MIDEAS: variants seen among roughly 807,000 people sequenced by gnomAD.
MIDEAS encodes the protein mitotic deacetylase associated SANT domain protein, also known as mitotic deacetylase-associated SANT domain protein.
In MIDEAS, 26 loss-of-function variants were observed where a neutral mutation model predicts 102.7. The ratio of observed to expected loss-of-function variants is 0.25; its 90% CI spans 0.19 to 0.35. The LOEUF is 0.35. Among genes scored for constraint, MIDEAS ranks in the 10% least tolerant of loss-of-function variants. The pLI, the probability that MIDEAS is intolerant of heterozygous loss-of-function variation, is 1.00. For missense variants in MIDEAS, 1,231 were observed against 1,435.6 expected, an observed-to-expected ratio of 0.86 and a Z score of 2.30; for synonymous variants, 585 against 591.0, an observed-to-expected ratio of 0.99 and a Z score of 0.15.
chr14:73,716,215 G>A lies in MIDEAS; in HGVS notation c.*2628C>T, dbSNP rs1281473699. ...TATTGGCAGGTCACTTGCCACAATT[G>A]CATCTGCCCTCTAAACTTTTTAATT... On this transcript the variant is annotated 3_prime_UTR_variant, in exon 13 of 13. Transcript: ENST00000423556. 6.6e-6 allele frequency: 1 copy of A among 152,432 alleles called. No homozygotes were observed. The highest frequency in any genetic ancestry group is 2.4e-5 in the African/African-American group (1 of 41,428). 9.4% of individuals were successfully genotyped at this position (152,432 alleles called of 1,614,324 possible).
chr14:73,773,003 T>A (rs781324448), intron 1 of MIDEAS, among the ~76,000 whole-genome samples: 8 of 152,062 alleles, frequency 5.3e-5, no homozygotes, highest in Non-Finnish European at 7.4e-5. Context: ...CACACCCAGC[T>A]AATTTTGTAA....
chr14:73,765,824 T>A (rs2053588036), intron 1 of MIDEAS, among the ~76,000 whole-genome samples: 1 of 152,144 alleles, frequency 6.6e-6, no homozygotes. Context: ...CTCCTCCAAG[T>A]AGAGGAAGGA....
chr14:73,719,036 C>T, intron 12 of MIDEAS, 28 bp from the exon 13 acceptor site: 2 of 1,452,928 alleles, frequency 1.4e-6, no homozygotes, highest in Non-Finnish European at 1.8e-6. Flanking sequence ...TTGCTCAGAA[C>T]CGGCCTAGCC....
At chr14:73,726,538 C>A (rs2053062828) in intron 7 of MIDEAS, 66 bp downstream of exon 7, 1 of 1,474,808 alleles carries the variant, frequency 6.8e-7, no homozygotes, top group Non-Finnish European at 9.4e-7. Flanking sequence ...AGGTCCTGAG[C>A]AGCAGACATG....
rs1278002666 is a variant in MIDEAS at position 73,729,623 on chromosome 14, G to A, written c.2095+17C>T. The A allele has an allele frequency of 9.5e-6, 15 of 1,583,556 alleles. No individual in the cohort carries two copies. The highest frequency in any genetic ancestry group is 6.8e-5 in the Admixed American group (4 of 59,084). On this transcript the variant is annotated intron_variant, in intron 4 of 12. Transcript: ENST00000423556. The stretch of plus-strand genomic sequence containing the variant: ...CCAGCCCCGCTCCTGCCAGGGTCGC[G>A]GAGGGAGGTCACTCACTAGTCCGGA...
chr14:73,740,098 C>T lies in MIDEAS; in HGVS notation c.-90G>A. On this transcript the variant is annotated 5_prime_UTR_variant, in exon 2 of 13. Transcript: ENST00000423556. The stretch of plus-strand genomic sequence containing the variant: ...GTCCTGCTGGAAGCCGGGCTCTAGT[C>T]CAGGAGCCAGGGAGGGCAGAGCAGG... 7 of 1,398,858 alleles carry T rather than the reference C, an allele frequency of 5.0e-6. No individual in the cohort carries two copies. The South Asian group carries it at 1.3e-4, about 27-fold the overall frequency. The allele number at this position is 1,398,858 out of a possible 1,614,324, so 86.7% of individuals were successfully genotyped here. A position where few individuals can be genotyped will look rare whatever the true frequency, so the allele number is the denominator to read the frequency against.
intron 1 of MIDEAS, among the ~76,000 whole-genome samples, chr14:73,778,008 A>G (rs2053706846): frequency 6.6e-6 from 1 of 151,982 alleles, no homozygotes; most frequent in Admixed American, 6.6e-5. Flanking sequence ...TAAGGGCTCA[A>G]TAAATGCATG....
intron 9 of MIDEAS, 137 bp from the exon 10 acceptor site, chr14:73,722,984 G>T: frequency 1.1e-6 from 1 of 937,286 alleles, no homozygotes; most frequent in Non-Finnish European, 1.6e-6. Context: ...GGCAATACAA[G>T]CATTTTTCCA....
chr14:73,768,511 C>CTTTT (rs59819061), intron 1 of MIDEAS, among the ~76,000 whole-genome samples: 5 of 138,396 alleles, frequency 3.6e-5, no homozygotes, highest in African/African-American at 5.7e-5. Context: ...TTATTGCCAA[C>CTTTT]TTTTTTTTTT....
In MIDEAS at chr14:73,715,254, G is replaced by A; in HGVS notation, c.*3589C>T. ...TGTATTAATTTTTTTCTTATAAAAA[G>A]CACACAAAAAATAAAATCTTCAGTC... On this transcript the variant is annotated 3_prime_UTR_variant, in exon 13 of 13. Transcript: ENST00000423556. 1 of 152,434 alleles carries A rather than the reference G, an allele frequency of 6.6e-6. No individual in the cohort carries two copies. 9.4% of individuals were successfully genotyped at this position (152,434 alleles called of 1,614,324 possible). A position where few individuals can be genotyped will look rare whatever the true frequency, so the allele number is the denominator to read the frequency against.
Position 73,715,521 on chromosome 14 carries a change from G to C in MIDEAS, c.*3322C>G, listed in dbSNP as rs2052872444. ...CCCCTCCAACAAAGCCTTCAACTTA[G>C]AGACAAATGAGGAAAAAGTGAAACA... On this transcript the variant is annotated 3_prime_UTR_variant, in exon 13 of 13. Transcript: ENST00000423556. 6.6e-6 allele frequency: 1 copy of C among 152,578 alleles called. No individual in the cohort carries two copies. Among genetic ancestry groups the C allele is most frequent in the South Asian group, 2.1e-4 (1 of 4,828 alleles). 9.5% of individuals were successfully genotyped at this position (152,578 alleles called of 1,614,324 possible). A position where few individuals can be genotyped will look rare whatever the true frequency, so the allele number is the denominator to read the frequency against.
Position 73,738,551 on chromosome 14 carries a change from C to G in MIDEAS, c.1449+9G>C, listed in dbSNP as rs1331353342. ...TGCCAGGTGTGGCTCCACTGCATGC[C>G]ACTCTCACCTTTGCATTCTGCAGTG... is the stretch of plus-strand genomic sequence containing the variant. On this transcript the variant is annotated intron_variant, in intron 2 of 12. Coordinates refer to ENST00000423556, the MANE Select transcript of MIDEAS (RefSeq NM_001367710.1). The G allele has an allele frequency of 1.3e-6, 2 of 1,538,044 alleles. No homozygotes were observed. The highest frequency in any genetic ancestry group is 1.8e-6 in the Non-Finnish European group (2 of 1,138,874).
At chr14:73,778,766 C>T (rs941005577) in intron 1 of MIDEAS, among the ~76,000 whole-genome samples, 5 of 152,040 alleles carry the variant, frequency 3.3e-5, no homozygotes, top group African/African-American at 1.2e-4. Context: ...GCTGGGTCAA[C>T]CCAAGCACAA....
chr14:73,764,828 C>T (rs2053581284), upstream of MIDEAS, among the ~76,000 whole-genome samples: 2 of 152,266 alleles, frequency 1.3e-5, no homozygotes, highest in South Asian at 4.1e-4. Context: ...CTGGCCCTCC[C>T]ACCTGCCCCC....
At chr14:73,740,487 G>C (rs2053269111) in intron 1 of MIDEAS, among the ~76,000 whole-genome samples, 1 of 150,874 alleles carries the variant, frequency 6.6e-6, no homozygotes, top group African/African-American at 2.5e-5. Flanking sequence ...TGACTCTCTT[G>C]TCCCACCACC....
intron 1 of MIDEAS, among the ~76,000 whole-genome samples, chr14:73,786,273 C>G (rs1467169734): frequency 6.6e-6 from 1 of 152,206 alleles, no homozygotes; most frequent in Non-Finnish European, 1.5e-5. Flanking sequence ...CCCTGCGCCA[C>G]GAGGCTACCG....
At chr14:73,769,126 C>T (rs2053618963) in intron 1 of MIDEAS, among the ~76,000 whole-genome samples, 1 of 152,236 alleles carries the variant, frequency 6.6e-6, no homozygotes, top group South Asian at 2.1e-4. Flanking sequence ...TCGCATCTAC[C>T]TCCTGCCCTG....
At chr14:73,723,653 G>C (rs922080314) in intron 9 of MIDEAS, 1 of 152,232 alleles carries the variant, frequency 6.6e-6, no homozygotes, top group South Asian at 2.1e-4. Context: ...TAGAGAAAGA[G>C]AAAGCAAATA....
At chr14:73,748,247 A>G (rs1443315101) in intron 1 of MIDEAS, among the ~76,000 whole-genome samples, 1 of 152,232 alleles carries the variant, frequency 6.6e-6, no homozygotes, top group African/African-American at 2.4e-5. Flanking sequence ...AATATCTAAA[A>G]GGCAGAGGTT....
Sources: allele counts gnomAD v4.1 joint callset (sites outside exome capture counted in the v4.1 genomes callset), GRCh38; gene constraint gnomAD v4.1.1; transcripts MANE v1.5; gene names NCBI Gene and HGNC (gene_info 2026-07-23, HGNC 2026-07-21).